The following PRKG1 variants were observed in gnomAD, a reference collection of about 807,000 sequenced individuals.
PRKG1 encodes cGMP-dependent protein kinase 1.
PRKG1 carries 35 observed loss-of-function variants against 88.1 expected under a neutral mutation model. The observed-to-expected ratio is 0.40, with a 90% CI of 0.30 to 0.53. The LOEUF is 0.53. PRKG1 is among the 20% of genes least tolerant of loss of function. The pLI, the probability that PRKG1 is intolerant of heterozygous loss-of-function variation, is 0.59. For synonymous variants in PRKG1, 303 were observed against 292.5 expected, an observed-to-expected ratio of 1.04 and a Z score of -0.37; for missense variants, 540 against 839.8, an observed-to-expected ratio of 0.64 and a Z score of 4.41.
At chr10:51,793,095 C>T (rs1244658675) in intron 3 of PRKG1, among the ~76,000 whole-genome samples, 1 of 60,404 alleles carries the variant, frequency 1.7e-5, no homozygotes, top group African/African-American at 6.9e-5. Context: ...AACTGCCCAA[C>T]AAATAATTCA....
chr10:51,938,206 C>A (rs1842835255), intron 5 of PRKG1, among the ~76,000 whole-genome samples: 1 of 152,038 alleles, frequency 6.6e-6, no homozygotes, highest in African/African-American at 2.4e-5. Context: ...GAGAAAGAGA[C>A]AGAGACCATA....
chr10:51,422,100 T>A (rs1410645229), intron 2 of PRKG1, among the ~76,000 whole-genome samples: 2 of 152,196 alleles, frequency 1.3e-5, no homozygotes, highest in Non-Finnish European at 2.9e-5. Flanking sequence ...GTTCAGTTCA[T>A]CTACTTACCA....
chr10:52,058,673 T>C (rs1310126183), intron 6 of PRKG1, among the ~76,000 whole-genome samples: 1 of 151,852 alleles, frequency 6.6e-6, no homozygotes, highest in Non-Finnish European at 1.5e-5. Flanking sequence ...TAAATGAAAA[T>C]TGGTAATAGA....
chr10:51,420,518 T>C (rs1440623591), intron 2 of PRKG1, among the ~76,000 whole-genome samples: 1 of 152,116 alleles, frequency 6.6e-6, no homozygotes, highest in East Asian at 1.9e-4. Flanking sequence ...CCCACGTCCC[T>C]AAACCAGTGA....
In PRKG1 at chr10:51,370,377, G is replaced by A. The variant is rs10997197; in HGVS notation, c.479-97346G>A. On this transcript the variant is annotated intron_variant, in intron 2 of 17. Coordinates refer to ENST00000373980, the MANE Select transcript of PRKG1 (RefSeq NM_006258.4). ...TTTTTATTTCAGAGTTTTTCCTAGC[G>A]GGATGAGAGTCCTGAGTGGCCTATT... Among the ~76,000 whole-genome samples the A allele has an allele frequency of 2.4e-4, 36 of 152,072 alleles. No homozygotes were observed. The East Asian group carries it at 5.8e-3, about 25-fold the overall frequency.
chr10:51,047,095 C>T (rs575236242), intron 1 of PRKG1, among the ~76,000 whole-genome samples: 2 of 152,282 alleles, frequency 1.3e-5, no homozygotes, highest in Admixed American at 6.5e-5. Context: ...GTTTTTCTCA[C>T]GTGCATTGTA....
At chr10:52,269,523 C>T (rs557569057) in intron 10 of PRKG1, among the ~76,000 whole-genome samples, 53 of 152,176 alleles carry the variant, frequency 3.5e-4, no homozygotes, top group African/African-American at 1.2e-3. Context: ...TGAATATCTT[C>T]GAAGATTGAA....
intron 2 of PRKG1, among the ~76,000 whole-genome samples, chr10:51,155,193 A>G (rs1466224528): frequency 6.6e-6 from 1 of 152,022 alleles, no homozygotes; most frequent in African/African-American, 2.4e-5. Context: ...TATTTCTTAC[A>G]AAAGTAGATT....
At chr10:51,193,166 G>A (rs562073240) in intron 2 of PRKG1, among the ~76,000 whole-genome samples, 1 of 152,120 alleles carries the variant, frequency 6.6e-6, no homozygotes, top group East Asian at 1.9e-4. Flanking sequence ...GACAGAAATG[G>A]TAGAGAAGGA....
chr10:51,260,145 C>A (rs1251251405), intron 2 of PRKG1, among the ~76,000 whole-genome samples: 1 of 152,072 alleles, frequency 6.6e-6, no homozygotes, highest in Non-Finnish European at 1.5e-5. Context: ...CCTGCCAATT[C>A]CATTGCTCTT....
intron 3 of PRKG1, among the ~76,000 whole-genome samples, chr10:51,605,248 G>T (rs945342284): frequency 2.0e-5 from 3 of 152,104 alleles, no homozygotes; most frequent in Admixed American, 6.5e-5. Flanking sequence ...AGGATGGGGG[G>T]GCATGGTGGA....
intron 7 of PRKG1, among the ~76,000 whole-genome samples, chr10:52,109,976 A>G (rs180726416): frequency 1.3e-5 from 2 of 151,932 alleles, no homozygotes; most frequent in Non-Finnish European, 2.9e-5. Context: ...TTGTAAAGTC[A>G]TTGTAACAGT....
At chr10:52,245,137 C>G (rs910258328) in intron 9 of PRKG1, among the ~76,000 whole-genome samples, 5 of 151,562 alleles carry the variant, frequency 3.3e-5, no homozygotes, top group African/African-American at 1.2e-4. Context: ...ACATGGCCAG[C>G]ATTATATTTT....
intron 3 of PRKG1, among the ~76,000 whole-genome samples, chr10:51,658,256 C>T (rs1027676895): frequency 1.3e-5 from 2 of 152,104 alleles, no homozygotes; most frequent in African/African-American, 4.8e-5. Flanking sequence ...GTCATGCACC[C>T]ACTCGCCATA....
chr10:51,839,044 A>G (rs555711449), intron 4 of PRKG1, among the ~76,000 whole-genome samples: 11 of 152,300 alleles, frequency 7.2e-5, no homozygotes, highest in Non-Finnish European at 1.5e-4. Context: ...ACAGCCTGCC[A>G]GAGTGTAAAT....
At chr10:52,264,704 G>A (rs565002879) in intron 10 of PRKG1, among the ~76,000 whole-genome samples, 1 of 152,136 alleles carries the variant, frequency 6.6e-6, no homozygotes, top group East Asian at 1.9e-4. Flanking sequence ...CGGTGACTCT[G>A]CCTGGATTCC....
At chr10:51,572,448 T>TGGAATCTG (rs1159322511) in intron 3 of PRKG1, among the ~76,000 whole-genome samples, 7 of 151,844 alleles carry the variant, frequency 4.6e-5, no homozygotes, top group Non-Finnish European at 8.8e-5. Context: ...GGCAGTATGT[T>TGGAATCTG]GGAATCTGGG....
intron 2 of PRKG1, among the ~76,000 whole-genome samples, chr10:51,464,857 C>T (rs535740321): frequency 7.2e-6 from 1 of 139,528 alleles, no homozygotes; most frequent in Non-Finnish European, 1.5e-5. Flanking sequence ...CGCCACTGCA[C>T]TCCAGCCTGG....
intron 3 of PRKG1, among the ~76,000 whole-genome samples, chr10:51,499,367 C>T (rs1564523886): frequency 6.6e-6 from 1 of 152,112 alleles, no homozygotes; most frequent in Non-Finnish European, 1.5e-5. Flanking sequence ...ATAACCAAAA[C>T]ATCAGGAGAA....
Sources: gnomAD v4.1 joint callset for allele counts (sites outside exome capture counted in the v4.1 genomes callset) on GRCh38, gnomAD v4.1.1 for gene constraint, MANE v1.5 for transcripts, NCBI Gene and HGNC (gene_info 2026-07-23, HGNC 2026-07-21) for gene names.